The following TPR variants were observed in gnomAD, a reference collection of about 807,000 sequenced individuals.
TPR encodes the protein nucleoprotein TPR.
A neutral mutation model predicts 316.1 loss-of-function variants in TPR; 51 were observed. The ratio of observed to expected loss-of-function variants is 0.16; its 90% CI spans 0.13 to 0.20. The LOEUF is 0.20. Ranked by LOEUF, TPR falls within the 10% of genes least tolerant of loss-of-function variation. The pLI, the probability that TPR is intolerant of heterozygous loss-of-function variation, is 1.00. For missense variants in TPR, 2,272 were observed against 2,754.8 expected (o/e 0.82, Z 3.92); for synonymous variants, 981 against 914.7 (o/e 1.07, Z -1.31).
chr1:186,362,404 G>A, intron 6 of TPR, 24 bp from the exon 7 acceptor site: 2 of 1,562,310 alleles, frequency 1.3e-6, no homozygotes, highest in Non-Finnish European at 1.8e-6. Context: ...ATAGAGCAGG[G>A]GGAAAGGATG....
In TPR at chr1:186,334,052, A is replaced by C. The variant is rs193238881; in HGVS notation, c.5182+273T>G. On this transcript the variant is annotated intron_variant, in intron 36 of 50. Coordinates refer to ENST00000367478, the MANE Select transcript of TPR (RefSeq NM_003292.3). The stretch of plus-strand genomic sequence containing the variant: ...CAAGAGTGTCATGGGAAAAAATTGA[A>C]GAAAGCAATGAAATGGTCAGTTTCA... Among the ~76,000 whole-genome samples the C allele has an allele frequency of 3.0e-3, 450 of 152,296 alleles. 2 individuals are homozygous for C. The highest frequency in any genetic ancestry group is 0.029 in the South Asian group (140 of 4,830).
At chr1:186,341,211 A>G in intron 28 of TPR, 41 bp downstream of exon 28, 2 of 1,613,130 alleles carry the variant, frequency 1.2e-6, no homozygotes, top group Non-Finnish European at 1.7e-6. Context: ...ATTTATTATT[A>G]AAAACAACAT....
Position 186,322,571 on chromosome 1 carries a change from G to A in TPR, c.6313C>T (p.Arg2105Ter). 1 of 1,613,986 alleles carries A rather than the reference G, an allele frequency of 6.2e-7. No individual in the cohort carries two copies. The highest frequency in any genetic ancestry group is 8.5e-7 in the Non-Finnish European group (1 of 1,179,950). The change falls in exon 44 of 51, where the codon CGA becomes TGA. Residue 2105 changes from arginine (R) to a stop codon, truncating the protein, a stop_gained. Coordinates refer to ENST00000367478, the MANE Select transcript of TPR (RefSeq NM_003292.3). LOFTEE classifies it high-confidence loss of function. ...GPPVQRIQMT[R>*]RQSVGRGLQL... Reference sequence around the variant, plus strand: ...AGGCCACGTCCTACAGACTGCCTTCGGGTCATCTGAATTCTCTGCGTGTCA... The same window carrying A: ...AGGCCACGTCCTACAGACTGCCTTCAGGTCATCTGAATTCTCTGCGTGTCA...
In TPR at chr1:186,374,869, C is replaced by G; in HGVS notation, c.151+9G>C. On this transcript the variant is annotated intron_variant, in intron 1 of 50. Transcript: ENST00000367478. ...CCAAAACCAAGGACGGAAAGAGCAT[C>G]TCACTTACCGCTCTCCACCTTAAAT... 6.3e-7 allele frequency: 1 copy of G among 1,588,724 alleles called. No homozygotes were observed. The highest frequency in any genetic ancestry group is 8.6e-7 in the Non-Finnish European group (1 of 1,160,450).
At chr1:186,335,651 C>T in intron 33 of TPR, 108 bp from the exon 34 acceptor site, 1 of 804,384 alleles carries the variant, frequency 1.2e-6, no homozygotes, top group South Asian at 2.1e-5. Context: ...ACTATAACAT[C>T]TACATTAGTT....
chr1:186,333,937 AT>A (rs796426046), intron 36 of TPR, among the ~76,000 whole-genome samples: 13 of 152,282 alleles, frequency 8.5e-5, no homozygotes, highest in African/African-American at 3.1e-4. Flanking sequence ...AGAAGCTGAG[AT>A]TTTTGCCCTT....
chr1:186,346,437 T>C (rs868591892), intron 22 of TPR, 150 bp from the exon 23 acceptor site: 1 of 796,376 alleles, frequency 1.3e-6, no homozygotes, highest in East Asian at 2.9e-5. Context: ...GATTAGAAGA[T>C]TCAACAACAA....
At position 186,371,013 on chromosome 1, in the gene TPR, T is replaced by C; in HGVS notation, c.287A>G (p.Asn96Ser). ...ATCCTGAGCAATTTCAAGTTCTTTGTTTTTCTCAGTTAGTGCCTTCAGTTG... is the reference window on the plus strand; with the variant it reads ...ATCCTGAGCAATTTCAAGTTCTTTGCTTTTCTCAGTTAGTGCCTTCAGTTG... Reference protein sequence around the residue: ...NNQLKALTEKNKELEIAQDRN... With the variant: ...NNQLKALTEKSKELEIAQDRN... The change falls in exon 3 of 51, where the codon AAC (asparagine) becomes AGC (serine). Residue 96 changes from asparagine (N) to serine (S), a missense_variant. Transcript: ENST00000367478. 1 of 1,613,034 alleles carries C rather than the reference T, an allele frequency of 6.2e-7. No individual in the cohort carries two copies. Among genetic ancestry groups the C allele is most frequent in the South Asian group, 1.1e-5 (1 of 91,052 alleles).
chr1:186,350,558 G>T (rs900896911), intron 20 of TPR, among the ~76,000 whole-genome samples, 170 bp from the exon 21 acceptor site: 1 of 152,110 alleles, frequency 6.6e-6, no homozygotes, highest in African/African-American at 2.4e-5. Context: ...AAACAACCGA[G>T]ATCCTGAGAC....
Position 186,367,962 on chromosome 1 carries a change from C to T in TPR, c.351G>A (p.Lys117=), listed in dbSNP as rs1426009479. 6.2e-7 allele frequency: 1 copy of T among 1,610,276 alleles called. No individual in the cohort carries two copies. Residue 117 remains lysine, a synonymous_variant, in exon 4 of 51, where the codon AAG becomes AAA. Transcript: ENST00000367478. ...IAIQSQFTRT[K]EELEAEKRDL... is the part of the protein sequence containing the mutation. ...CTCTTTTCTCAGCTTCTAATTCTTCCTTTGTTCTTGTAAATTGGCTCTGTC... is the reference window on the plus strand; with the variant it reads ...CTCTTTTCTCAGCTTCTAATTCTTCTTTTGTTCTTGTAAATTGGCTCTGTC...
chr1:186,329,370 T>G (rs1053249913), intron 39 of TPR, among the ~76,000 whole-genome samples: 1 of 152,170 alleles, frequency 6.6e-6, no homozygotes, highest in Non-Finnish European at 1.5e-5. Context: ...GGTCCAGAAG[T>G]GTTTCAGATT....
At chr1:186,323,577 A>C in intron 43 of TPR, 109 bp downstream of exon 43, 2 of 1,038,038 alleles carry the variant, frequency 1.9e-6, no homozygotes, top group Non-Finnish European at 2.6e-6. Flanking sequence ...AGTTCATGGG[A>C]TTGCTAATTT....
chr1:186,324,851 C>G (rs2102055445), intron 42 of TPR, among the ~76,000 whole-genome samples: 1 of 151,922 alleles, frequency 6.6e-6, no homozygotes, highest in Middle Eastern at 3.4e-3. Context: ...CCTAGAGGAG[C>G]AAAAATTCCT....
intron 45 of TPR, 25 bp from the exon 46 acceptor site, chr1:186,320,443 G>A (rs749666449): frequency 2.5e-6 from 4 of 1,579,074 alleles, no homozygotes; most frequent in South Asian, 1.2e-5. Context: ...ACTAATTTAA[G>A]ATGAAATTTA....
rs922257149 is a variant in TPR, at chr1:186,313,119, T to G, written c.*852A>C. ...ACCTTCATGAGATTACGATAAAACATCCAGTTACTAGAGTAAACTTGCTAC... is the reference window on the plus strand; with the variant it reads ...ACCTTCATGAGATTACGATAAAACAGCCAGTTACTAGAGTAAACTTGCTAC... On this transcript the variant is annotated 3_prime_UTR_variant, in exon 51 of 51. Transcript: ENST00000367478. 50 of 543,034 alleles carry G rather than the reference T, an allele frequency of 9.2e-5. No individual in the cohort carries two copies. The African/African-American group carries it at 9.3e-4, about 10-fold the overall frequency. 33.6% of individuals were successfully genotyped at this position (543,034 alleles called of 1,614,324 possible). A position where few individuals can be genotyped will look rare whatever the true frequency, so the allele number is the denominator to read the frequency against.
intron 46 of TPR, 109 bp from the exon 47 acceptor site, chr1:186,318,937 A>G (rs925013173): frequency 4.0e-5 from 39 of 986,100 alleles, no homozygotes; most frequent in Non-Finnish European, 5.0e-5. Flanking sequence ...CAACTTTACT[A>G]AAGTCCACGA....
At chr1:186,314,527 G>C in intron 50 of TPR, 102 bp downstream of exon 50, 1 of 838,200 alleles carries the variant, frequency 1.2e-6, no homozygotes, top group Non-Finnish European at 1.8e-6. Flanking sequence ...TAAAACTTTG[G>C]AACATTAAAA....
At chr1:186,359,118 AT>A (rs1659110832) in intron 12 of TPR, among the ~76,000 whole-genome samples, 1 of 152,186 alleles carries the variant, frequency 6.6e-6, no homozygotes, top group South Asian at 2.1e-4. Context: ...GAAACAATTT[AT>A]CAGTTTAGAA....
chr1:186,313,457 GATT>G lies in TPR; in HGVS notation c.*511_*513del. The G allele has an allele frequency of 2.0e-6, 1 of 500,154 alleles. No individual in the cohort carries two copies. The highest frequency in any genetic ancestry group is 3.6e-6 in the Non-Finnish European group (1 of 281,416). The allele number at this position is 500,154 out of a possible 1,614,324, so 31.0% of individuals were successfully genotyped here. A position where few individuals can be genotyped will look rare whatever the true frequency, so the allele number is the denominator to read the frequency against. ...TACTTCATAAAGGAGAGCTGAACCT[GATT>G]TTACAAAAAGATGGTGAAATGTCAA... On this transcript the variant is annotated 3_prime_UTR_variant, in exon 51 of 51. Coordinates refer to ENST00000367478, the MANE Select transcript of TPR (RefSeq NM_003292.3).
Sources: gnomAD v4.1 joint callset for allele counts (sites outside exome capture counted in the v4.1 genomes callset) on GRCh38, gnomAD v4.1.1 for gene constraint, MANE v1.5 for transcripts, NCBI Gene and HGNC (gene_info 2026-07-23, HGNC 2026-07-21) for gene names.